PTH1R: variants seen among roughly 807,000 people sequenced by gnomAD.
PTH1R encodes the protein parathyroid hormone/parathyroid hormone-related peptide receptor.
PTH1R carries 32 observed loss-of-function variants against 70.7 expected under a neutral mutation model. That is an observed-to-expected ratio of 0.45 (90% CI 0.34 to 0.61). The LOEUF (loss-of-function observed/expected upper bound fraction) is 0.61. Among genes scored for constraint, PTH1R ranks in the 20% least tolerant of loss-of-function variants. The pLI, the probability that PTH1R is intolerant of heterozygous loss-of-function variation, is 0.01. For synonymous variants in PTH1R, 329 were observed against 324.8 expected, an observed-to-expected ratio of 1.01 and a Z score of -0.14; for missense variants, 626 against 792.5, an observed-to-expected ratio of 0.79 and a Z score of 2.52.
rs1029859618 is a variant in PTH1R at position 46,883,927 on chromosome 3, G to A, written c.75+293G>A. On this transcript the variant is annotated intron_variant, in intron 3 of 15. Transcript: ENST00000449590. The surrounding 1 kb of genome is among the most constrained non-coding windows in gnomAD (Gnocchi z 6.4). ...GTGAGCACCATGGCTGTTTCTCCCT[G>A]GAAGATGACAGTGTGACCCAACAGA... is the stretch of plus-strand genomic sequence containing the variant. 1.3e-5 allele frequency among the ~76,000 whole-genome samples: 2 copies of A among 152,228 alleles called. No homozygotes were observed. The highest frequency in any genetic ancestry group is 4.8e-5 in the African/African-American group (2 of 41,460).
Position 46,892,440 on chromosome 3 carries a change from A to ACG in PTH1R, c.76-1463_76-1462dup, listed in dbSNP as rs1427090286. On this transcript the variant is annotated intron_variant, in intron 3 of 15. Transcript: ENST00000449590. The surrounding 1 kb of genome is among the most constrained non-coding windows in gnomAD (Gnocchi z 5.2). The stretch of plus-strand genomic sequence containing the variant: ...CGCACGGACGGGCACACACAAGTGC[A>ACG]CGCGCCGGCCACTCGAGAATGCGCT... 1.3e-5 allele frequency among the ~76,000 whole-genome samples: 2 copies of ACG among 152,186 alleles called. No individual in the cohort carries two copies. The highest frequency in any genetic ancestry group is 2.9e-5 in the Non-Finnish European group (2 of 68,028).
At position 46,903,467 on chromosome 3, in the gene PTH1R, C is replaced by T. The variant is rs145046250; in HGVS notation, c.1593C>T (p.His531=). Residue 531 remains histidine, a synonymous_variant, in exon 16 of 16, where the codon CAC becomes CAT. Transcript: ENST00000449590. The surrounding 1 kb of genome is among the most constrained non-coding windows in gnomAD (Gnocchi z 4.4). ...TGCCCACTGCCACCACCAACGGCCA[C>T]CCTCAGCTGCCTGGCCATGCCAAGC... is the stretch of plus-strand genomic sequence containing the variant. ...RLLPTATTNG[H]PQLPGHAKPG... The T allele has an allele frequency of 8.7e-6, 14 of 1,613,676 alleles. No homozygotes were observed. In the African/African-American group the frequency reaches 1.6e-4, roughly 18 times the overall value.
chr3:46,903,030 T>A lies in PTH1R; in HGVS notation c.1395+240T>A, dbSNP rs2032224601. ...TCTTCCCAGCCCCATGGTTCAATTATCTGTGACCCAGATTGGAGGACTCAG... is the reference window on the plus strand; with the variant it reads ...TCTTCCCAGCCCCATGGTTCAATTAACTGTGACCCAGATTGGAGGACTCAG... On this transcript the variant is annotated intron_variant, in intron 15 of 15. Coordinates refer to ENST00000449590, the MANE Select transcript of PTH1R (RefSeq NM_000316.3). The surrounding 1 kb of genome is among the most constrained non-coding windows in gnomAD (Gnocchi z 4.4). 5.1e-6 allele frequency: 5 copies of A among 977,010 alleles called. No homozygotes were observed. Among genetic ancestry groups the A allele is most frequent in the Non-Finnish European group, 6.3e-6 (4 of 637,188 alleles). 60.5% of individuals were successfully genotyped at this position (977,010 alleles called of 1,614,324 possible).
Position 46,892,374 on chromosome 3 carries a change from C to T in PTH1R, c.76-1533C>T, listed in dbSNP as rs541434569. Among the ~76,000 whole-genome samples the T allele has an allele frequency of 6.6e-6, 1 of 152,358 alleles. No homozygotes were observed. The highest frequency in any genetic ancestry group is 1.5e-5 in the Non-Finnish European group (1 of 68,038). ...CATGCTCACAAACACGTCCGGCTCG[C>T]GTCCCATACTGACAGGCTGGACAGT... On this transcript the variant is annotated intron_variant, in intron 3 of 15. Transcript: ENST00000449590. This position sits in a 1 kb window ranked among gnomAD's most constrained non-coding sequence, Gnocchi z 5.2.
At position 46,901,684 on chromosome 3, in the gene PTH1R, C is replaced by T; in HGVS notation, c.1117-82C>T. 1 of 1,472,164 alleles carries T rather than the reference C, an allele frequency of 6.8e-7. No individual in the cohort carries two copies. The highest frequency in any genetic ancestry group is 9.5e-7 in the Non-Finnish European group (1 of 1,052,656). 91.2% of individuals were successfully genotyped at this position (1,472,164 alleles called of 1,614,324 possible). On this transcript the variant is annotated intron_variant, in intron 12 of 15. Coordinates refer to ENST00000449590, the MANE Select transcript of PTH1R (RefSeq NM_000316.3). This position sits in a 1 kb window ranked among gnomAD's most constrained non-coding sequence, Gnocchi z 7.3. ...GCCACCCAGAGATGCAGTGACAGAG[C>T]AGAGCCTATGGCCGTGGCTGCCAGG...
At position 46,883,722 on chromosome 3, in the gene PTH1R, T is replaced by TC. The variant is rs2030824396; in HGVS notation, c.75+93dup. The TC allele has an allele frequency of 6.8e-7, 1 of 1,465,906 alleles. No homozygotes were observed. Among genetic ancestry groups the TC allele is most frequent in the Non-Finnish European group, 9.3e-7 (1 of 1,080,604 alleles). The allele number at this position is 1,465,906 out of a possible 1,614,324, so 90.8% of individuals were successfully genotyped here. A position where few individuals can be genotyped will look rare whatever the true frequency, so the allele number is the denominator to read the frequency against. The stretch of plus-strand genomic sequence containing the variant: ...AGGTCTAAGGCACGCAGTCTTGAGT[T>TC]CCCCCAGTAGTTCGAACTTTGGGTG... On this transcript the variant is annotated intron_variant, in intron 3 of 15. Coordinates refer to ENST00000449590, the MANE Select transcript of PTH1R (RefSeq NM_000316.3). The surrounding 1 kb of genome is among the most constrained non-coding windows in gnomAD (Gnocchi z 6.4).
intron 3 of PTH1R, among the ~76,000 whole-genome samples, chr3:46,888,895 C>T (rs1338623082): frequency 4.6e-5 from 7 of 152,260 alleles, no homozygotes; most frequent in African/African-American, 1.4e-4. Flanking sequence ...GTCACAGTGC[C>T]TCTTCCCCCC....
rs1471975823 is a variant in PTH1R, at chr3:46,882,101, C to G, written c.-49+983C>G. On this transcript the variant is annotated intron_variant, in intron 2 of 15. Coordinates refer to ENST00000449590, the MANE Select transcript of PTH1R (RefSeq NM_000316.3). The surrounding 1 kb of genome is among the most constrained non-coding windows in gnomAD (Gnocchi z 4.3). The stretch of plus-strand genomic sequence containing the variant: ...CCCGCCGCCGTAAGACTCCGGGCCT[C>G]GGCCTCTAGCGCAATGTCCCGGGGC... The G allele has an allele frequency of 6.6e-6, 1 of 151,742 alleles. No homozygotes were observed. The highest frequency in any genetic ancestry group is 2.4e-5 in the African/African-American group (1 of 41,304). 9.4% of individuals were successfully genotyped at this position (151,742 alleles called of 1,614,324 possible).
At chr3:46,899,574 A>G (rs2031992637) in intron 10 of PTH1R, 118 bp downstream of exon 10, 27 of 1,327,126 alleles carry the variant, frequency 2.0e-5, no homozygotes, top group Non-Finnish European at 2.3e-5. Context: ...GTGGAACAGC[A>G]GGAGAGAGGC....
intron 3 of PTH1R, among the ~76,000 whole-genome samples, chr3:46,887,911 C>T (rs2031142480): frequency 6.6e-6 from 1 of 152,188 alleles, no homozygotes; most frequent in Non-Finnish European, 1.5e-5. Flanking sequence ...GGCAGGGAAG[C>T]TCCTTGAAAT....
At chr3:46,889,868 A>G (rs1185736402) in intron 3 of PTH1R, among the ~76,000 whole-genome samples, 1 of 152,146 alleles carries the variant, frequency 6.6e-6, no homozygotes, top group Non-Finnish European at 1.5e-5. Context: ...AGGGGACGCA[A>G]GCCTGAGTCC....
rs2030863470 is a variant in PTH1R at position 46,884,177 on chromosome 3, G to T, written c.75+543G>T. Among the ~76,000 whole-genome samples, 1 of 152,144 alleles carries T rather than the reference G, an allele frequency of 6.6e-6. No homozygotes were observed. Among genetic ancestry groups the T allele is most frequent in the African/African-American group, 2.4e-5 (1 of 41,420 alleles). On this transcript the variant is annotated intron_variant, in intron 3 of 15. Transcript: ENST00000449590. The surrounding 1 kb of genome is among the most constrained non-coding windows in gnomAD (Gnocchi z 4.8). ...CTGTTTCCCCAAGGAGGTGGGTGTG[G>T]TGTGGCATGGAGAAGGGATGGAGTT...
chr3:46,895,624 G>A (rs1027078246), intron 4 of PTH1R, 111 bp from the exon 5 acceptor site: 12 of 1,536,514 alleles, frequency 7.8e-6, no homozygotes, highest in Middle Eastern at 1.8e-4. Flanking sequence ...TGTCACCAGG[G>A]CAGGAGACAA....
intron 9 of PTH1R, 106 bp from the exon 10 acceptor site, chr3:46,899,197 T>G: frequency 1.3e-6 from 2 of 1,492,924 alleles, no homozygotes; most frequent in Non-Finnish European, 1.8e-6. Flanking sequence ...TCCTGGCCTG[T>G]TTGGCCGGCA....
At position 46,901,527 on chromosome 3, in the gene PTH1R, C is replaced by T. The variant is rs1559538004; in HGVS notation, c.1116+47C>T. On this transcript the variant is annotated intron_variant, in intron 12 of 15. Coordinates refer to ENST00000449590, the MANE Select transcript of PTH1R (RefSeq NM_000316.3). This position sits in a 1 kb window ranked among gnomAD's most constrained non-coding sequence, Gnocchi z 7.3. ...GCCACAGGGGTGGGTGGGATGTGCG[C>T]CTGCGTCCCCTGGAACCAGCCCCTG... The T allele has an allele frequency of 3.2e-6, 5 of 1,548,032 alleles. No homozygotes were observed. The highest frequency in any genetic ancestry group is 4.4e-6 in the Non-Finnish European group (5 of 1,144,238).
At position 46,896,356 on chromosome 3, in the gene PTH1R, C is replaced by A. The variant is rs371065512; in HGVS notation, c.313+487C>A. 8.6e-4 allele frequency among the ~76,000 whole-genome samples: 130 copies of A among 151,954 alleles called. No individual in the cohort carries two copies. In the South Asian group the frequency reaches 0.025, roughly 29 times the overall value. On this transcript the variant is annotated intron_variant, in intron 5 of 15. Transcript: ENST00000449590. The surrounding 1 kb of genome is among the most constrained non-coding windows in gnomAD (Gnocchi z 4.1). ...ACATGGGGACACATAGTGGATAGGG[C>A]CACAGAAATAGAGAAGGAGAGGAGG... is the stretch of plus-strand genomic sequence containing the variant.
At chr3:46,895,355 T>G (rs997946571) in intron 4 of PTH1R, among the ~76,000 whole-genome samples, 7 of 152,234 alleles carry the variant, frequency 4.6e-5, no homozygotes, top group Admixed American at 1.3e-4. Flanking sequence ...CCACTCTGTC[T>G]GCTTTCACCG....
intron 3 of PTH1R, among the ~76,000 whole-genome samples, chr3:46,888,884 C>T (rs955102650): frequency 2.6e-5 from 4 of 152,238 alleles, no homozygotes; most frequent in Non-Finnish European, 4.4e-5. Flanking sequence ...GGATGAGAGG[C>T]GTCACAGTGC....
In PTH1R at chr3:46,898,112, G is replaced by A. The variant is rs121434605; in HGVS notation, c.463G>A (p.Glu155Lys). Residue 155 changes from glutamate (E) to lysine (K), a missense_variant, in exon 7 of 16, where the codon GAG (glutamate) becomes AAG (lysine). Physicochemically the swap from Glu to Lys is moderately conservative, Grantham distance 56. Coordinates refer to ENST00000449590, the MANE Select transcript of PTH1R (RefSeq NM_000316.3). ...ACGCTGTGACCGCAATGGCAGCTGG[G>A]AGCTGGTGCCTGGGCACAACAGGAC... ...YRRCDRNGSW[E>K]LVPGHNRTWA... 1 of 1,614,244 alleles carries A rather than the reference G, an allele frequency of 6.2e-7. No individual in the cohort carries two copies. The highest frequency in any genetic ancestry group is 8.5e-7 in the Non-Finnish European group (1 of 1,180,044).
Sources: allele counts gnomAD v4.1 joint callset (sites outside exome capture counted in the v4.1 genomes callset), GRCh38; gene constraint gnomAD v4.1.1; non-coding constraint Gnocchi (gnomAD v3.1); transcripts MANE v1.5; gene names NCBI Gene and HGNC (gene_info 2026-07-23, HGNC 2026-07-21).